The following P2RY8 variants were observed in gnomAD, a reference collection of about 807,000 sequenced individuals.
The protein encoded by P2RY8 is P2Y receptor family member 8.
A neutral mutation model predicts 10.0 loss-of-function variants in P2RY8; 6 were observed. The observed-to-expected ratio is 0.60, with a 90% CI of 0.33 to 1.19. P2RY8 has a LOEUF of 1.19. P2RY8 is among the 50% of genes most tolerant of loss of function. The pLI is 0.04. For synonymous variants in P2RY8, 276 were observed against 252.5 expected (o/e 1.09, Z -0.88); for missense variants, 456 against 542.0 (o/e 0.84, Z 1.58).
At chrX:1,511,868 A>G (rs2092299585) in intron 1 of P2RY8, among the ~76,000 whole-genome samples, 1 of 151,712 alleles carries the variant, frequency 6.6e-6, no homozygotes. Flanking sequence ...AACTTCCCCC[A>G]CCTGAGTCCT....
intron 1 of P2RY8, among the ~76,000 whole-genome samples, chrX:1,531,295 G>A (rs1274066994): frequency 1.3e-5 from 2 of 152,142 alleles, no homozygotes; most frequent in East Asian, 3.9e-4. Context: ...GAATTCCCCC[G>A]CCCCAAATGT....
At chrX:1,526,410 C>T (rs118192677) in intron 1 of P2RY8, among the ~76,000 whole-genome samples, 4 of 148,770 alleles carry the variant, frequency 2.7e-5, no homozygotes, top group Admixed American at 2.0e-4. Context: ...TTCATTTATT[C>T]ATGCATCCAT....
intron 1 of P2RY8, among the ~76,000 whole-genome samples, chrX:1,527,874 A>G (rs758935195): frequency 3.2e-4 from 48 of 152,268 alleles, no homozygotes; most frequent in African/African-American, 1.1e-3. Flanking sequence ...CCATCCAACA[A>G]ACAGTACTGA....
chrX:1,497,274 G>C, intron 1 of P2RY8, among the ~76,000 whole-genome samples: 1 of 147,192 alleles, frequency 6.8e-6, no homozygotes, highest in Non-Finnish European at 1.5e-5. Context: ...AAACATCACA[G>C]AGAGAGATCA....
At chrX:1,470,837 ATTT>A (rs1166098896) in intron 1 of P2RY8, among the ~76,000 whole-genome samples, 3 of 129,554 alleles carry the variant, frequency 2.3e-5, no homozygotes, top group African/African-American at 2.9e-5. Flanking sequence ...GTTCTTTCTG[ATTT>A]TTTTTTTTTT....
At position 1,466,290 on chromosome X, in the gene P2RY8, A is replaced by G; in HGVS notation, c.269T>C (p.Val90Ala). The change falls in exon 2 of 2, where the codon GTA becomes GCA. Residue 90 changes from valine (V) to alanine (A), a missense_variant. Val to Ala is a moderately conservative substitution (Grantham distance 64). Transcript: ENST00000381297. ...IYYHCNRHHW[V>A]FGVLLCNVVT... is the part of the protein sequence containing the mutation. ...CACGTTGCAAAGCAGCACCCCGAAT[A>G]CCCAGTGGTGGCGGTTGCAATGGTA... The G allele has an allele frequency of 6.2e-7, 1 of 1,613,844 alleles. No individual in the cohort carries two copies. The highest frequency in any genetic ancestry group is 8.5e-7 in the Non-Finnish European group (1 of 1,179,842).
In P2RY8 at chrX:1,465,666, C is replaced by T; in HGVS notation, c.893G>A (p.Arg298Gln). The change falls in exon 2 of 2, where the codon CGG (arginine) becomes CAG (glutamine). Residue 298 changes from arginine to glutamine, a missense_variant. Physicochemically the swap from Arg to Gln is conservative, Grantham distance 43 (BLOSUM62 1). Coordinates refer to ENST00000381297, the MANE Select transcript of P2RY8 (RefSeq NM_178129.5). The stretch of plus-strand genomic sequence containing the variant: ...TTCCCGCAGGCGCAGCTGGAATTCC[C>T]GGGACGCAAAGTAATAAACAAACGG... ...LDPFVYYFAS[R>Q]EFQLRLREYL... 2 of 1,613,556 alleles carry T rather than the reference C, an allele frequency of 1.2e-6. No homozygotes were observed. The highest frequency in any genetic ancestry group is 1.7e-6 in the Non-Finnish European group (2 of 1,179,840).
chrX:1,505,798 A>G (rs2092227547), intron 1 of P2RY8, among the ~76,000 whole-genome samples: 1 of 152,094 alleles, frequency 6.6e-6, no homozygotes, highest in African/African-American at 2.4e-5. Context: ...TCAAAAACAA[A>G]CAAACAATAA....
chrX:1,476,058 G>A (rs1294118991), intron 1 of P2RY8, among the ~76,000 whole-genome samples: 1 of 152,084 alleles, frequency 6.6e-6, no homozygotes, highest in African/African-American at 2.4e-5. Flanking sequence ...TATGGCACAG[G>A]GGCTGTCCAG....
intron 1 of P2RY8, among the ~76,000 whole-genome samples, chrX:1,503,514 A>T (rs2092199529): frequency 6.6e-6 from 1 of 152,228 alleles, no homozygotes; most frequent in South Asian, 2.1e-4. Context: ...TCATCCCAGC[A>T]CTTCGGGAGG....
chrX:1,528,555 G>T (rs2092453529), intron 1 of P2RY8, among the ~76,000 whole-genome samples: 1 of 152,228 alleles, frequency 6.6e-6, no homozygotes, highest in South Asian at 2.1e-4. Context: ...CTTCCAAGAG[G>T]CTGGCTCTGG....
intron 1 of P2RY8, among the ~76,000 whole-genome samples, chrX:1,488,764 G>GTC (rs2092011542): frequency 6.6e-6 from 1 of 150,760 alleles, no homozygotes; most frequent in African/African-American, 2.5e-5. Flanking sequence ...GTGTGTGTGT[G>GTC]ATACAGGACA....
intron 1 of P2RY8, among the ~76,000 whole-genome samples, chrX:1,498,367 C>T (rs1188616716): frequency 5.0e-5 from 7 of 139,946 alleles, no homozygotes; most frequent in South Asian, 2.3e-4. Flanking sequence ...GATCGCGCCA[C>T]TGCACTCCAG....
intron 1 of P2RY8, among the ~76,000 whole-genome samples, chrX:1,474,662 G>A (rs1403257120): frequency 1.3e-5 from 2 of 148,700 alleles, no homozygotes; most frequent in Non-Finnish European, 3.0e-5. Context: ...ACGTGTGGGT[G>A]GATGGATGGG....
intron 1 of P2RY8, among the ~76,000 whole-genome samples, chrX:1,512,415 T>A (rs764909780): frequency 6.6e-5 from 10 of 151,592 alleles, no homozygotes; most frequent in Non-Finnish European, 1.2e-4. Flanking sequence ...GGCGTGGTGG[T>A]GGGTACCTGT....
In P2RY8 at chrX:1,521,037, T is replaced by TC. The variant is rs1481747432; in HGVS notation, c.-25+15883_-25+15884insG. Among the ~76,000 whole-genome samples, 34 of 139,806 alleles carry TC rather than the reference T, an allele frequency of 2.4e-4. 1 individual carries two copies. Among genetic ancestry groups the TC allele is most frequent in the Admixed American group, 1.4e-4 (2 of 13,842 alleles). 91.7% of individuals were successfully genotyped at this position (139,806 alleles called of 152,430 possible). On this transcript the variant is annotated intron_variant, in intron 1 of 1. Coordinates refer to ENST00000381297, the MANE Select transcript of P2RY8 (RefSeq NM_178129.5). ...TATCCTCTCTGATTTTTCTTTTCTT[T>TC]TTTTTTTTTTTTTTTTGAGACAGAG...
In P2RY8 at chrX:1,514,811, T is replaced by TCCTTC. The variant is rs771078569; in HGVS notation, c.-25+22109_-25+22110insGAAGG. 4.3e-4 allele frequency among the ~76,000 whole-genome samples: 20 copies of TCCTTC among 46,486 alleles called. 2 individuals are homozygous for TCCTTC. The highest frequency in any genetic ancestry group is 1.6e-3 in the African/African-American group (20 of 12,832). The allele number at this position is 46,486 out of a possible 152,430, so 30.5% of individuals were successfully genotyped here. ...TCCTTTTCCTTCCCTTCCCTTCCTT[T>TCCTTC]CCTTTCCTTCCCTTTCCCTTTCCTT... is the stretch of plus-strand genomic sequence containing the variant. On this transcript the variant is annotated intron_variant, in intron 1 of 1. Coordinates refer to ENST00000381297, the MANE Select transcript of P2RY8 (RefSeq NM_178129.5).
intron 1 of P2RY8, among the ~76,000 whole-genome samples, chrX:1,492,832 C>A (rs1418309511): frequency 6.6e-6 from 1 of 152,046 alleles, no homozygotes; most frequent in Non-Finnish European, 1.5e-5. Context: ...CAAAGGCAGT[C>A]ACGTATCATT....
intron 1 of P2RY8, among the ~76,000 whole-genome samples, chrX:1,476,237 T>G (rs1424324641): frequency 6.6e-6 from 1 of 152,106 alleles, no homozygotes; most frequent in Non-Finnish European, 1.5e-5. Flanking sequence ...TCACTGTTAG[T>G]GCACCCAGAC....
Sources: gnomAD v4.1 joint callset for allele counts (sites outside exome capture counted in the v4.1 genomes callset) on GRCh38, gnomAD v4.1.1 for gene constraint, MANE v1.5 for transcripts, NCBI Gene and HGNC (gene_info 2026-07-23, HGNC 2026-07-21) for gene names.